PDE4DIP: variants seen among roughly 807,000 people sequenced by gnomAD.
PDE4DIP encodes myomegalin.
PDE4DIP carries 59 observed loss-of-function variants against 221.4 expected under a neutral mutation model. The ratio of observed to expected loss-of-function variants is 0.27; its 90% CI spans 0.22 to 0.33. The LOEUF is 0.33. PDE4DIP is among the 10% of genes least tolerant of loss of function. The pLI, the probability that PDE4DIP is intolerant of heterozygous loss-of-function variation, is 1.00. For synonymous variants in PDE4DIP, 404 were observed against 815.9 expected, an observed-to-expected ratio of 0.50 and a Z score of 8.60; for missense variants, 1,036 against 2,154.2, an observed-to-expected ratio of 0.48 and a Z score of 10.28.
exon 13 of PDE4DIP, chr1:148,967,887 T>C (rs781929623): frequency 1.1e-6 from 1 of 933,426 alleles, no homozygotes; most frequent in South Asian, 1.4e-5. Context: ...CTCTTCATGA[T>C]AGGAACAAAG....
At chr1:148,976,452 G>A (rs2060190044) in intron 17 of PDE4DIP, among the ~76,000 whole-genome samples, 1 of 152,122 alleles carries the variant, frequency 6.6e-6, no homozygotes, top group Admixed American at 6.5e-5. Flanking sequence ...AAGTTGAAGA[G>A]TAGAAGAAGT....
exon 12 of PDE4DIP, chr1:148,966,958 C>T: frequency 6.2e-7 from 1 of 1,610,744 alleles, no homozygotes; most frequent in Non-Finnish European, 8.5e-7. Flanking sequence ...TCCTCTCCTC[C>T]AATGAAGCTA....
At chr1:148,981,363 C>T (rs782690575) in exon 21 of PDE4DIP, 2 of 1,614,018 alleles carry the variant, frequency 1.2e-6, no homozygotes, top group East Asian at 4.5e-5. Flanking sequence ...GCTTGGAGCG[C>T]TTAAACAGGC....
chr1:149,023,759 T>C (rs1489111956), intron 37 of PDE4DIP, among the ~76,000 whole-genome samples: 3 of 109,560 alleles, frequency 2.7e-5, no homozygotes, highest in East Asian at 3.4e-4. Flanking sequence ...TGCACATATA[T>C]ATGTACATGT....
At chr1:149,032,604 T>C (rs587649257) in exon 44 of PDE4DIP, 4 of 240,722 alleles carry the variant, frequency 1.7e-5, no homozygotes, top group South Asian at 1.5e-4. Context: ...ACTTCCCAGA[T>C]ACCATCTCAG....
chr1:148,906,852 A>G (rs2500377), intron 1 of PDE4DIP, among the ~76,000 whole-genome samples: 35,081 of 122,508 alleles, frequency 0.29, 3,627 homozygotes, highest in East Asian at 0.49. Flanking sequence ...CAAGGCAGGC[A>G]GATCACCCCT....
rs2073964794 is a variant in PDE4DIP, at chr1:149,023,688, ATG to A, written c.6086-752_6086-751del. Among the ~76,000 whole-genome samples the A allele has an allele frequency of 3.7e-4, 27 of 72,256 alleles. 1 individual carries two copies. The highest frequency in any genetic ancestry group is 1.3e-3 in the Admixed American group (10 of 7,576). 47.4% of individuals were successfully genotyped at this position (72,256 alleles called of 152,430 possible). ...TGTGCACATATATATGTACATGTAT[ATG>A]TGTGCACATATATATGTACATGTAT... On this transcript the variant is annotated intron_variant, in intron 37 of 43. Coordinates refer to ENST00000369354, the Ensembl canonical transcript of PDE4DIP.
chr1:148,969,670 A>T (rs1263474992), intron 14 of PDE4DIP, among the ~76,000 whole-genome samples: 9 of 149,274 alleles, frequency 6.0e-5, no homozygotes, highest in Admixed American at 2.7e-4. Flanking sequence ...ATAATAGTAC[A>T]GGGTATATTA....
intron 38 of PDE4DIP, among the ~76,000 whole-genome samples, chr1:149,025,348 A>G (rs1575602086): frequency 1.3e-5 from 2 of 151,502 alleles, no homozygotes; most frequent in Non-Finnish European, 2.9e-5. Context: ...CAGGTGGGGA[A>G]CTCAGTGTAT....
At chr1:148,961,034 C>T (rs2056800759) in intron 6 of PDE4DIP, among the ~76,000 whole-genome samples, 1 of 152,212 alleles carries the variant, frequency 6.6e-6, no homozygotes, top group Non-Finnish European at 1.5e-5. Flanking sequence ...CAGGCCGGCG[C>T]AGTGGCTCAT....
chr1:149,030,752 G>T (rs2076507179), intron 43 of PDE4DIP: 2 of 985,308 alleles, frequency 2.0e-6, no homozygotes, highest in Non-Finnish European at 2.4e-6. Flanking sequence ...ATTTGATTTT[G>T]CTATATCTTT....
intron 26 of PDE4DIP, among the ~76,000 whole-genome samples, chr1:149,004,259 T>C (rs1553588903): frequency 6.6e-6 from 1 of 152,172 alleles, no homozygotes; most frequent in Non-Finnish European, 1.5e-5. Context: ...CCCCATCAGG[T>C]ACTAAGGTCA....
intron 1 of PDE4DIP, among the ~76,000 whole-genome samples, chr1:148,824,157 G>GAAAT (rs1670053959): frequency 6.9e-6 from 1 of 145,728 alleles, no homozygotes; most frequent in Non-Finnish European, 1.5e-5. Flanking sequence ...TCTGGGAGCA[G>GAAAT]CTTAGCTGGT....
At chr1:149,010,414 A>G in intron 30 of PDE4DIP, 29 bp from the exon 34 acceptor site, 1 of 1,608,924 alleles carries the variant, frequency 6.2e-7, no homozygotes, top group Non-Finnish European at 8.5e-7. Context: ...AGAACATCAT[A>G]CGTTTTCTTT....
At chr1:148,820,429 G>T (rs1256606136) in intron 1 of PDE4DIP, among the ~76,000 whole-genome samples, 1 of 148,736 alleles carries the variant, frequency 6.7e-6, no homozygotes, top group Non-Finnish European at 1.5e-5. Context: ...TTAGCCGGGC[G>T]TGGTGGCAGG....
exon 32 of PDE4DIP, chr1:149,012,758 C>A (rs781848605): frequency 1.9e-6 from 3 of 1,607,830 alleles, no homozygotes; most frequent in African/African-American, 1.3e-5. Context: ...ACAGATGCTG[C>A]AGAAGCAGTT....
chr1:148,949,216 T>A (rs1347009024), intron 5 of PDE4DIP, among the ~76,000 whole-genome samples: 9 of 151,748 alleles, frequency 5.9e-5, no homozygotes, highest in African/African-American at 9.7e-5. Context: ...ATTTAAAGTA[T>A]GTAATACATA....
intron 27 of PDE4DIP, 117 bp downstream of exon 30, chr1:149,005,554 G>C: frequency 1.1e-6 from 1 of 876,628 alleles, no homozygotes; most frequent in Non-Finnish European, 1.8e-6. Flanking sequence ...CAGGGACACT[G>C]ATTTAAATGG....
At chr1:149,032,228 C>T in exon 44 of PDE4DIP, 2 of 653,668 alleles carry the variant, frequency 3.1e-6, no homozygotes, top group East Asian at 2.7e-5. Flanking sequence ...GTCCACTTGG[C>T]CCAGCACTAA....
Sources: gnomAD v4.1 joint callset for allele counts (sites outside exome capture counted in the v4.1 genomes callset) on GRCh38, gnomAD v4.1.1 for gene constraint, MANE v1.5 for transcripts, NCBI Gene and HGNC (gene_info 2026-07-23, HGNC 2026-07-21) for gene names.